The following MYO9B variants were observed in gnomAD, a reference collection of about 807,000 sequenced individuals.
The protein encoded by MYO9B is myosin IXB.
Under a neutral mutation model 229.5 loss-of-function variants are expected in MYO9B, and 71 were observed. The observed-to-expected ratio is 0.31, with a 90% CI of 0.26 to 0.38. The LOEUF (loss-of-function observed/expected upper bound fraction) is 0.38, where lower values mean the gene tolerates loss of function less well. MYO9B is among the 10% of genes least tolerant of loss of function. MYO9B has a pLI of 1.00. For synonymous variants in MYO9B, 1,185 were observed against 1,235.8 expected (o/e 0.96, Z 0.86); for missense variants, 2,255 against 2,920.5 (o/e 0.77, Z 5.25).
intron 8 of MYO9B, among the ~76,000 whole-genome samples, chr19:17,161,683 G>C (rs1354380377): frequency 6.6e-6 from 1 of 152,090 alleles, no homozygotes; most frequent in African/African-American, 2.4e-5. Flanking sequence ...AGGCATGGTG[G>C]TGCGTGCCTG....
At chr19:17,200,037 A>AT (rs1370609845) in intron 24 of MYO9B, among the ~76,000 whole-genome samples, 3 of 151,258 alleles carry the variant, frequency 2.0e-5, no homozygotes, top group South Asian at 2.1e-4. Flanking sequence ...ACGCCCTGCT[A>AT]TTTTTTTGTA....
chr19:17,182,655 C>T (rs1453675827), intron 15 of MYO9B, among the ~76,000 whole-genome samples: 4 of 151,972 alleles, frequency 2.6e-5, no homozygotes, highest in African/African-American at 4.8e-5. Flanking sequence ...ATCCGCCCAC[C>T]TCGGCCTCAA....
intron 1 of MYO9B, among the ~76,000 whole-genome samples, chr19:17,090,706 CA>C (rs200025117): frequency 0.013 from 1,947 of 152,210 alleles, 52 homozygotes; most frequent in African/African-American, 0.044. Context: ...GGTCATGAGT[CA>C]GGTGGTAGAG....
chr19:17,163,317 T>C (rs1019195101), intron 10 of MYO9B, among the ~76,000 whole-genome samples, 195 bp downstream of exon 10: 6 of 150,496 alleles, frequency 4.0e-5, no homozygotes, highest in African/African-American at 7.4e-5. Flanking sequence ...TCTGTCCCCA[T>C]GAAACACTCA....
chr19:17,183,859 C>G lies in MYO9B; in HGVS notation c.2364C>G (p.Ile788Met). 2 of 1,575,972 alleles carry G rather than the reference C, an allele frequency of 1.3e-6. No homozygotes were observed. The highest frequency in any genetic ancestry group is 1.7e-6 in the Non-Finnish European group (2 of 1,163,900). Residue 788 changes from isoleucine to methionine, a missense_variant, in exon 16 of 40, where the codon ATC becomes ATG. Physicochemically the swap from Ile to Met is conservative, Grantham distance 10. Coordinates refer to ENST00000682292, the MANE Select transcript of MYO9B (RefSeq NM_004145.4). ...LKSKGIKQKQ[I>M]IPKNLLDSKS... ...GTAAAGGTATCAAACAAAAGCAGATCATTCCAAAGGTAAAAAAAAAAACAC... is the reference window on the plus strand; with the variant it reads ...GTAAAGGTATCAAACAAAAGCAGATGATTCCAAAGGTAAAAAAAAAAACAC...
rs571830183 is a variant in MYO9B, at chr19:17,137,058, C to T, written c.841-8339C>T. Reference sequence around the variant, plus strand: ...CAGCCTGACCAACATGGAGAAACCCCGTCTCTACTTAAAATACAAAATTAG... The same window carrying T: ...CAGCCTGACCAACATGGAGAAACCCTGTCTCTACTTAAAATACAAAATTAG... On this transcript the variant is annotated intron_variant, in intron 2 of 39. Transcript: ENST00000682292. 1.1e-4 allele frequency among the ~76,000 whole-genome samples: 17 copies of T among 152,152 alleles called. No homozygotes were observed. The South Asian group carries it at 3.1e-3, about 28-fold the overall frequency.
intron 14 of MYO9B, among the ~76,000 whole-genome samples, chr19:17,180,344 T>C (rs879931389): frequency 0.35 from 34,576 of 97,620 alleles, 8,547 homozygotes; most frequent in East Asian, 0.6. Flanking sequence ...GGAAATAATT[T>C]TTTTTTTTTT....
intron 1 of MYO9B, among the ~76,000 whole-genome samples, chr19:17,093,742 C>T (rs776002888): frequency 1.3e-5 from 2 of 150,734 alleles, no homozygotes; most frequent in South Asian, 2.1e-4. Flanking sequence ...GCCCAGGCTG[C>T]GGTGCAGTAG....
intron 2 of MYO9B, among the ~76,000 whole-genome samples, chr19:17,122,449 G>C (rs1459071801): frequency 2.0e-5 from 3 of 152,104 alleles, no homozygotes; most frequent in Non-Finnish European, 2.9e-5. Context: ...TGAGGCAGGA[G>C]AATTGCTTGA....
At chr19:17,190,323 A>G (rs373963046) in intron 19 of MYO9B, among the ~76,000 whole-genome samples, 61 of 151,748 alleles carry the variant, frequency 4.0e-4, no homozygotes, top group Middle Eastern at 3.4e-3. Context: ...CCTCTCCAGT[A>G]CATGGGGTTA....
Position 17,101,736 on chromosome 19 carries a change from G to T in MYO9B, c.19G>T (p.Gly7Cys). 1 of 1,583,906 alleles carries T rather than the reference G, an allele frequency of 6.3e-7. No individual in the cohort carries two copies. The change falls in exon 2 of 40, where the codon GGC (glycine) becomes TGC (cysteine). Residue 7 changes from glycine to cysteine, a missense_variant. Around this residue, in one of 7 missense-constraint regions of MYO9B, gnomAD observed 386 missense variants for 515.2 expected, o/e 0.75. Coordinates refer to ENST00000682292, the MANE Select transcript of MYO9B (RefSeq NM_004145.4). This position sits in a 1 kb window ranked among gnomAD's most constrained non-coding sequence, Gnocchi z 4.7. ...CGGCAGGATGAGTGTGAAAGAGGCA[G>T]GCAGCTCGGGCCGCCGGGAGCAGGC... MSVKEA[G>C]SSGRREQAAY...
chr19:17,169,802 CT>C (rs762583073), intron 11 of MYO9B, among the ~76,000 whole-genome samples: 86 of 106,588 alleles, frequency 8.1e-4, no homozygotes, highest in Non-Finnish European at 1.0e-3. Context: ...CTGTCTCCTC[CT>C]TTTTTTTTTT....
intron 2 of MYO9B, among the ~76,000 whole-genome samples, chr19:17,119,491 G>A (rs538142714): frequency 8.5e-5 from 13 of 152,264 alleles, no homozygotes; most frequent in Admixed American, 2.6e-4. Context: ...GAGCCTGGGC[G>A]GTCCTCCTAT....
At chr19:17,188,356 G>A (rs1599407144) in intron 19 of MYO9B, among the ~76,000 whole-genome samples, 1 of 151,216 alleles carries the variant, frequency 6.6e-6, no homozygotes. Context: ...TTGAATCCAG[G>A]AGGCAGAGGT....
chr19:17,203,566 T>C (rs1038574412), intron 30 of MYO9B, among the ~76,000 whole-genome samples: 4 of 147,230 alleles, frequency 2.7e-5, no homozygotes, highest in African/African-American at 1.0e-4. Flanking sequence ...TGAGTCGAGA[T>C]CGCGCCACTG....
chr19:17,102,292 T>G lies in MYO9B; in HGVS notation c.575T>G (p.Leu192Arg), dbSNP rs1444091649. 1.2e-6 allele frequency: 2 copies of G among 1,614,058 alleles called. No homozygotes were observed. Among genetic ancestry groups the G allele is most frequent in the African/African-American group, 2.7e-5 (2 of 75,064 alleles). Residue 192 changes from leucine to arginine, a missense_variant, in exon 2 of 40, where the codon CTG becomes CGG. Physicochemically the swap from Leu to Arg is moderately radical, Grantham distance 102 (BLOSUM62 -2). This residue lies in a region of MYO9B where 386 missense variants were observed against 515.2 expected (regional missense o/e 0.75). Coordinates refer to ENST00000682292, the MANE Select transcript of MYO9B (RefSeq NM_004145.4). The stretch of plus-strand genomic sequence containing the variant: ...GTGGCCATCAACCCCTTTAAGTTCC[T>G]GCCCATCTACAACCCCAAGTACGTG... The part of the protein sequence containing the change: ...ILVAINPFKF[L>R]PIYNPKYVKM...
intron 3 of MYO9B, 165 bp from the exon 4 acceptor site, chr19:17,152,479 C>T: frequency 1.8e-6 from 1 of 543,336 alleles, no homozygotes. Flanking sequence ...AAGAGAATCG[C>T]TTGAACCCAG....
chr19:17,149,311 T>C (rs4808580), intron 3 of MYO9B, among the ~76,000 whole-genome samples: 25,071 of 151,952 alleles, frequency 0.16, 2,230 homozygotes, highest in East Asian at 0.3. Flanking sequence ...ATCCCCAGGT[T>C]CCAGGAGACA....
intron 2 of MYO9B, among the ~76,000 whole-genome samples, chr19:17,105,319 CAAAAAAAAAAAA>C (rs36000160): frequency 1.4e-4 from 10 of 71,660 alleles, no homozygotes; most frequent in Non-Finnish European, 2.1e-4. Flanking sequence ...CTGTCTCTAC[CAAAAAAAAAAAA>C]AAAAAAAAAA....
Sources: allele counts gnomAD v4.1 joint callset (sites outside exome capture counted in the v4.1 genomes callset), GRCh38; gene constraint gnomAD v4.1.1; regional missense constraint gnomAD v4.1.1; non-coding constraint Gnocchi (gnomAD v3.1); transcripts MANE v1.5; gene names NCBI Gene and HGNC (gene_info 2026-07-23, HGNC 2026-07-21).